The following PADI6 variants were observed in gnomAD, a reference collection of about 807,000 sequenced individuals.
PADI6 encodes peptidyl arginine deiminase 6.
A neutral mutation model predicts 78.2 loss-of-function variants in PADI6; 66 were observed. The observed-to-expected ratio is 0.84, with a 90% CI of 0.69 to 1.04. The LOEUF is 1.04. PADI6 is among the 50% of genes least tolerant of loss of function. The pLI, the probability that PADI6 is intolerant of heterozygous loss-of-function variation, is 0.00. For synonymous variants in PADI6, 397 were observed against 346.9 expected, an observed-to-expected ratio of 1.14 and a Z score of -1.60; for missense variants, 854 against 866.1, an observed-to-expected ratio of 0.99 and a Z score of 0.18.
At position 17,388,517 on chromosome 1, in the gene PADI6, C is replaced by T; in HGVS notation, c.816C>T (p.Leu272=). The T allele has an allele frequency of 1.9e-6, 3 of 1,613,460 alleles. No individual in the cohort carries two copies. Among genetic ancestry groups the T allele is most frequent in the Non-Finnish European group, 2.5e-6 (3 of 1,179,456 alleles). Residue 272 remains leucine, a synonymous_variant, in exon 7 of 16, where the codon CTC becomes CTT. Transcript: ENST00000619609. ...IAFPSAEFSG[L]ISYSVSLVEE... Reference sequence around the variant, plus strand: ...TCCCATCTGCCGAATTCTCAGGCCTCATCTCCTACTCTGTGTCCCTGGTGG... The same window carrying T: ...TCCCATCTGCCGAATTCTCAGGCCTTATCTCCTACTCTGTGTCCCTGGTGG...
In PADI6 at chr1:17,372,769, C is replaced by A. The variant is rs184829310; in HGVS notation, c.117-287C>A. Among the ~76,000 whole-genome samples, 252 of 152,116 alleles carry A rather than the reference C, an allele frequency of 1.7e-3. 1 individual carries two copies. Among genetic ancestry groups the A allele is most frequent in the Non-Finnish European group, 2.5e-3 (173 of 67,996 alleles). On this transcript the variant is annotated intron_variant, in intron 1 of 15. Coordinates refer to ENST00000619609, the MANE Select transcript of PADI6 (RefSeq NM_207421.4). ...CCCTGATCTTTTTCTTTATGGGGAT[C>A]CTTTGTGGCTCCCCCCTTCTTGGGA...
At chr1:17,393,778 G>A (rs2075216183) in intron 9 of PADI6, among the ~76,000 whole-genome samples, 197 bp from the exon 10 acceptor site, 2 of 152,122 alleles carry the variant, frequency 1.3e-5, no homozygotes, top group Admixed American at 6.6e-5. Context: ...CCTGGCCATG[G>A]ATGCTCAAGT....
chr1:17,384,346 C>A (rs759065086), intron 6 of PADI6, among the ~76,000 whole-genome samples: 2 of 152,172 alleles, frequency 1.3e-5, no homozygotes, highest in Non-Finnish European at 2.9e-5. Context: ...GTAATCCCAG[C>A]ACTTTGGGAG....
At chr1:17,388,356 G>C (rs1482346219) in intron 6 of PADI6, 25 bp from the exon 7 acceptor site, 1 of 1,586,930 alleles carries the variant, frequency 6.3e-7, no homozygotes, top group East Asian at 2.2e-5. Context: ...TTCAGTGGCT[G>C]GTCCATCCCT....
intron 8 of PADI6, 62 bp downstream of exon 8, chr1:17,388,942 A>C: frequency 7.6e-7 from 1 of 1,322,898 alleles, no homozygotes; most frequent in Non-Finnish European, 1.1e-6. Flanking sequence ...TCTTCTTTCT[A>C]TATGCAGGGC....
chr1:17,388,930 C>T, intron 8 of PADI6, 50 bp downstream of exon 8: 2 of 1,428,522 alleles, frequency 1.4e-6, no homozygotes, highest in Non-Finnish European at 2.0e-6. Context: ...TAACTGGCAC[C>T]CTCTTCTTTC....
chr1:17,394,504 G>T (rs763859342), intron 11 of PADI6, 50 bp downstream of exon 11: 6 of 1,577,214 alleles, frequency 3.8e-6, no homozygotes, highest in East Asian at 2.3e-5. Context: ...GACCATGGTC[G>T]TTCCCCTGGC....
chr1:17,388,505 A>G lies in PADI6; in HGVS notation c.804A>G (p.Glu268=). The part of the protein sequence containing the change: ...YVEAIAFPSA[E]FSGLISYSVS... ...AAGCTATAGCATTCCCATCTGCCGA[A>G]TTCTCAGGCCTCATCTCCTACTCTG... Residue 268 remains glutamate (E), a synonymous_variant, in exon 7 of 16, where the codon GAA becomes GAG. Transcript: ENST00000619609. 1 of 1,613,564 alleles carries G rather than the reference A, an allele frequency of 6.2e-7. No homozygotes were observed. Among genetic ancestry groups the G allele is most frequent in the East Asian group, 2.2e-5 (1 of 44,898 alleles).
chr1:17,392,533 T>C (rs1331107818), intron 9 of PADI6, among the ~76,000 whole-genome samples: 1 of 152,214 alleles, frequency 6.6e-6, no homozygotes, highest in Admixed American at 6.5e-5. Flanking sequence ...GCTGGGCCAC[T>C]GCCCTGGGGT....
At chr1:17,399,504 A>T (rs2075281129) in intron 15 of PADI6, among the ~76,000 whole-genome samples, 1 of 152,082 alleles carries the variant, frequency 6.6e-6, no homozygotes, top group Non-Finnish European at 1.5e-5. Flanking sequence ...CAGAGACAGG[A>T]GAATTGCTTG....
At position 17,395,528 on chromosome 1, in the gene PADI6, T is replaced by G. The variant is rs1416103234; in HGVS notation, c.1495-12T>G. ...GAGAAAGCTGGCTTCTGACCCAAGT[T>G]CTGTTTCCCAGGGCTTCCTGCTGCT... On this transcript the variant is annotated splice_polypyrimidine_tract_variant and intron_variant, in intron 12 of 15. Transcript: ENST00000619609. 2 of 1,550,076 alleles carry G rather than the reference T, an allele frequency of 1.3e-6. No homozygotes were observed. The highest frequency in any genetic ancestry group is 3.9e-5 in the Admixed American group (2 of 50,952).
intron 6 of PADI6, among the ~76,000 whole-genome samples, chr1:17,385,682 C>T (rs1023810462): frequency 4.6e-5 from 7 of 152,106 alleles, no homozygotes; most frequent in African/African-American, 1.7e-4. Flanking sequence ...GACACAACAG[C>T]AGTGGAGGGC....
At position 17,394,154 on chromosome 1, in the gene PADI6, G is replaced by A. The variant is rs890011290; in HGVS notation, c.1182+72G>A. 25 of 1,564,776 alleles carry A rather than the reference G, an allele frequency of 1.6e-5. No individual in the cohort carries two copies. The African/African-American group carries it at 2.9e-4, about 18-fold the overall frequency. On this transcript the variant is annotated intron_variant, in intron 10 of 15. Transcript: ENST00000619609. The stretch of plus-strand genomic sequence containing the variant: ...GCCTGGGGCCTGCCTAGAAATAATG[G>A]GGCACCAAGTGGGGAGAGGGCCCAG...
At chr1:17,389,170 C>T (rs183354250) in intron 8 of PADI6, among the ~76,000 whole-genome samples, 1 of 152,252 alleles carries the variant, frequency 6.6e-6, no homozygotes, top group Non-Finnish European at 1.5e-5. Context: ...ATGGAGAGGT[C>T]AGGATGAGAA....
At chr1:17,374,153 TG>T (rs965830843) in intron 2 of PADI6, among the ~76,000 whole-genome samples, 1 of 152,020 alleles carries the variant, frequency 6.6e-6, no homozygotes, top group African/African-American at 2.4e-5. Context: ...AGTGCGGGGC[TG>T]GGGGTGAGAA....
At position 17,381,958 on chromosome 1, in the gene PADI6, T is replaced by A. The variant is rs1222027405; in HGVS notation, c.554-9T>A. The stretch of plus-strand genomic sequence containing the variant: ...ACATTCCTTAACCTTTGCTTTGTCT[T>A]TTGCCCAGAAATAACGAATCTGTCC... On this transcript the variant is annotated splice_polypyrimidine_tract_variant and intron_variant, in intron 5 of 15. Coordinates refer to ENST00000619609, the MANE Select transcript of PADI6 (RefSeq NM_207421.4). The A allele has an allele frequency of 6.2e-7, 1 of 1,613,650 alleles. No homozygotes were observed. Among genetic ancestry groups the A allele is most frequent in the South Asian group, 1.1e-5 (1 of 91,068 alleles).
chr1:17,390,737 CAG>C (rs767822840), intron 8 of PADI6, among the ~76,000 whole-genome samples: 28 of 152,250 alleles, frequency 1.8e-4, no homozygotes, highest in Admixed American at 4.6e-4. Context: ...GGTAAAATCT[CAG>C]AAAGTCTGAT....
Position 17,372,779 on chromosome 1 carries a change from T to TC in PADI6, c.117-271dup, listed in dbSNP as rs559694997. 6.5e-3 allele frequency among the ~76,000 whole-genome samples: 982 copies of TC among 151,992 alleles called. 9 individuals are homozygous for TC. The highest frequency in any genetic ancestry group is 0.022 in the African/African-American group (901 of 41,444). ...TTTCTTTATGGGGATCCTTTGTGGC[T>TC]CCCCCCTTCTTGGGAATTGGGTGCT... On this transcript the variant is annotated intron_variant, in intron 1 of 15. Transcript: ENST00000619609.
intron 3 of PADI6, among the ~76,000 whole-genome samples, chr1:17,377,053 A>G (rs1161373951): frequency 1.3e-5 from 2 of 151,926 alleles, no homozygotes; most frequent in Admixed American, 1.3e-4. Context: ...TTTTATACAG[A>G]CATAGGTATC....
Sources: gnomAD v4.1 joint callset for allele counts (sites outside exome capture counted in the v4.1 genomes callset) on GRCh38, gnomAD v4.1.1 for gene constraint, MANE v1.5 for transcripts, NCBI Gene and HGNC (gene_info 2026-07-23, HGNC 2026-07-21) for gene names.